Variants in PDGFD observed in about 807,000 individuals in gnomAD.
PDGFD encodes platelet derived growth factor D.
Under a neutral mutation model 44.7 loss-of-function variants are expected in PDGFD, and 30 were observed. That is an observed-to-expected ratio of 0.67 (90% CI 0.50 to 0.91). The LOEUF (loss-of-function observed/expected upper bound fraction) is 0.91, where lower values mean the gene tolerates loss of function less well. PDGFD is among the 40% of genes least tolerant of loss of function. The pLI is 0.00. For missense variants in PDGFD, 445 were observed against 457.8 expected, an observed-to-expected ratio of 0.97 and a Z score of 0.25; for synonymous variants, 173 against 168.4, an observed-to-expected ratio of 1.03 and a Z score of -0.21.
chr11:104,082,131 TACATAC>T, intron 1 of PDGFD, among the ~76,000 whole-genome samples: 1 of 140,668 alleles, frequency 7.1e-6, no homozygotes, highest in East Asian at 2.1e-4. Flanking sequence ...TCCATATACA[TACATAC>T]ATATATATAT....
intron 1 of PDGFD, among the ~76,000 whole-genome samples, chr11:104,028,191 G>GA (rs36060540): frequency 5.7e-4 from 66 of 116,130 alleles, no homozygotes; most frequent in South Asian, 5.4e-4. Flanking sequence ...CTCCGTCAAA[G>GA]AAAAAAAAAA....
At chr11:104,080,406 T>C (rs1861028481) in intron 1 of PDGFD, among the ~76,000 whole-genome samples, 1 of 152,172 alleles carries the variant, frequency 6.6e-6, no homozygotes, top group Non-Finnish European at 1.5e-5. Context: ...TTAAATATCA[T>C]ATGATTCTTT....
At chr11:104,034,341 A>G (rs1860182379) in intron 1 of PDGFD, among the ~76,000 whole-genome samples, 1 of 152,084 alleles carries the variant, frequency 6.6e-6, no homozygotes, top group Admixed American at 6.6e-5. Flanking sequence ...CTGGGCGTTC[A>G]GTCAACATTT....
At chr11:104,071,185 T>C (rs960634810) in intron 1 of PDGFD, among the ~76,000 whole-genome samples, 2 of 151,992 alleles carry the variant, frequency 1.3e-5, no homozygotes, top group Non-Finnish European at 2.9e-5. Flanking sequence ...GTGCATCAGA[T>C]TTTTAATAAC....
intron 1 of PDGFD, among the ~76,000 whole-genome samples, chr11:104,070,449 G>T (rs1860857336): frequency 6.6e-6 from 1 of 152,148 alleles, no homozygotes; most frequent in South Asian, 2.1e-4. Context: ...AAAAAATAGA[G>T]ATATATTTGC....
intron 3 of PDGFD, among the ~76,000 whole-genome samples, chr11:103,995,190 T>G (rs1399260389): frequency 6.6e-6 from 1 of 152,154 alleles, no homozygotes; most frequent in African/African-American, 2.4e-5. Flanking sequence ...CTGTTGCTGC[T>G]TTTTAGTTTT....
intron 1 of PDGFD, among the ~76,000 whole-genome samples, chr11:104,078,352 A>C (rs1031337301): frequency 6.6e-6 from 1 of 151,972 alleles, no homozygotes; most frequent in Admixed American, 6.6e-5. Flanking sequence ...CTCTATATAC[A>C]CCCATCAACA....
intron 5 of PDGFD, among the ~76,000 whole-genome samples, chr11:103,938,329 T>A (rs1423504939): frequency 6.6e-6 from 1 of 152,220 alleles, no homozygotes; most frequent in Admixed American, 6.5e-5. Context: ...TTTTCATGTG[T>A]TTTTTGGCTG....
chr11:104,122,803 A>T (rs1321113526), intron 1 of PDGFD, among the ~76,000 whole-genome samples: 1 of 152,084 alleles, frequency 6.6e-6, no homozygotes, highest in African/African-American at 2.4e-5. Context: ...TTGGACTACC[A>T]GTTTTGGATT....
intron 1 of PDGFD, among the ~76,000 whole-genome samples, chr11:104,032,388 T>A (rs944557786): frequency 1.3e-5 from 2 of 152,188 alleles, no homozygotes; most frequent in African/African-American, 4.8e-5. Context: ...AAATCTCAAG[T>A]TATGATTTAA....
At chr11:104,092,122 G>A (rs1861220088) in intron 1 of PDGFD, among the ~76,000 whole-genome samples, 1 of 152,140 alleles carries the variant, frequency 6.6e-6, no homozygotes, top group Non-Finnish European at 1.5e-5. Flanking sequence ...GCAAGGTGAT[G>A]TTCCTAAGAT....
intron 1 of PDGFD, among the ~76,000 whole-genome samples, chr11:104,005,425 T>C (rs1038452603): frequency 5.9e-5 from 9 of 152,244 alleles, no homozygotes; most frequent in African/African-American, 2.2e-4. Context: ...ACTGTTTACA[T>C]ATAATTTAAC....
chr11:104,114,120 T>C (rs1041049887), intron 1 of PDGFD, among the ~76,000 whole-genome samples: 2 of 152,094 alleles, frequency 1.3e-5, no homozygotes, highest in African/African-American at 2.4e-5. Context: ...GCTTATTAAT[T>C]CTTTCTAAGA....
chr11:104,118,340 GAGA>G (rs1438729172), intron 1 of PDGFD, among the ~76,000 whole-genome samples: 1 of 151,822 alleles, frequency 6.6e-6, no homozygotes, highest in African/African-American at 2.4e-5. Flanking sequence ...AGGATACAAT[GAGA>G]AGATGGCCAT....
At chr11:104,141,011 C>T (rs1862076820) in intron 1 of PDGFD, among the ~76,000 whole-genome samples, 1 of 152,200 alleles carries the variant, frequency 6.6e-6, no homozygotes, top group African/African-American at 2.4e-5. Flanking sequence ...AAAGGGCCTA[C>T]ATGGTCTGGA....
chr11:103,933,286 G>C (rs1858435121), intron 5 of PDGFD, among the ~76,000 whole-genome samples: 1 of 152,174 alleles, frequency 6.6e-6, no homozygotes, highest in African/African-American at 2.4e-5. Flanking sequence ...TTCACCAGGA[G>C]TCTTCATCCT....
chr11:104,000,369 A>G, intron 1 of PDGFD, 114 bp from the exon 2 acceptor site: 3 of 939,642 alleles, frequency 3.2e-6, no homozygotes, highest in Non-Finnish European at 3.2e-6. Flanking sequence ...TATTTTGCCT[A>G]AAAACATTAA....
At chr11:104,101,272 A>G (rs189973567) in intron 1 of PDGFD, among the ~76,000 whole-genome samples, 67 of 152,306 alleles carry the variant, frequency 4.4e-4, no homozygotes, top group Middle Eastern at 6.8e-3. Flanking sequence ...TGCAAAATCA[A>G]TGTGCAAAAA....
intron 6 of PDGFD, among the ~76,000 whole-genome samples, chr11:103,923,613 G>A (rs769911621): frequency 5.3e-5 from 8 of 152,150 alleles, no homozygotes; most frequent in Non-Finnish European, 1.2e-4. Context: ...TCAGAATAAA[G>A]GACTAGAATT....
Sources: gnomAD v4.1 joint callset for allele counts (sites outside exome capture counted in the v4.1 genomes callset) on GRCh38, gnomAD v4.1.1 for gene constraint, MANE v1.5 for transcripts, NCBI Gene and HGNC (gene_info 2026-07-23, HGNC 2026-07-21) for gene names.